The following RGS7 variants were observed in gnomAD, a reference collection of about 807,000 sequenced individuals.
RGS7 encodes the protein regulator of G protein signaling 7.
In RGS7, 27 loss-of-function variants were observed where a neutral mutation model predicts 81.1. That is an observed-to-expected ratio of 0.33 (90% CI 0.25 to 0.46). The LOEUF (loss-of-function observed/expected upper bound fraction) is 0.46. Ranked by LOEUF, RGS7 falls within the 20% of genes least tolerant of loss-of-function variation. The probability of loss-of-function intolerance (pLI) is 1.00; values close to 1 mark genes in which losing one functional copy is unlikely to be tolerated. For synonymous variants in RGS7, 208 were observed against 207.7 expected (o/e 1.00, Z -0.01); for missense variants, 396 against 607.4 (o/e 0.65, Z 3.66).
rs1266542255 is a variant in RGS7 at position 240,868,511 on chromosome 1, T to G, written c.609+76A>C. The G allele has an allele frequency of 2.3e-6, 3 of 1,283,290 alleles. No homozygotes were observed. Among genetic ancestry groups the G allele is most frequent in the Non-Finnish European group, 3.4e-6 (3 of 880,642 alleles). The allele number at this position is 1,283,290 out of a possible 1,614,324, so 79.5% of individuals were successfully genotyped here. A position where few individuals can be genotyped will look rare whatever the true frequency, so the allele number is the denominator to read the frequency against. ...GCATGGGGTCACTACAGTCTTTCACTTACTTTGGCAGGGCACCCCTCACTT... is the reference window on the plus strand; with the variant it reads ...GCATGGGGTCACTACAGTCTTTCACGTACTTTGGCAGGGCACCCCTCACTT... On this transcript the variant is annotated intron_variant, in intron 9 of 18. Transcript: ENST00000440928. This position sits in a 1 kb window ranked among gnomAD's most constrained non-coding sequence, Gnocchi z 5.1.
chr1:241,073,508 TC>T, intron 3 of RGS7, among the ~76,000 whole-genome samples: 1 of 152,352 alleles, frequency 6.6e-6, no homozygotes, highest in Non-Finnish European at 1.5e-5. Context: ...GCAAACATTT[TC>T]AGAGTATAGT....
intron 3 of RGS7, among the ~76,000 whole-genome samples, chr1:241,034,814 G>C (rs183035964): frequency 6.6e-6 from 1 of 152,252 alleles, no homozygotes; most frequent in African/African-American, 2.4e-5. Context: ...TAAATAGACT[G>C]AACAATGGGA....
chr1:240,906,729 G>C (rs1435612040), intron 6 of RGS7, among the ~76,000 whole-genome samples: 1 of 152,114 alleles, frequency 6.6e-6, no homozygotes, highest in Non-Finnish European at 1.5e-5. Context: ...CAGGGCACTG[G>C]GCTGCCTTAG....
intron 18 of RGS7, among the ~76,000 whole-genome samples, chr1:240,782,123 C>A (rs923488930): frequency 3.9e-5 from 6 of 152,214 alleles, no homozygotes; most frequent in South Asian, 2.1e-4. Context: ...TATTTGTAAA[C>A]CATGTGCAAA....
At chr1:241,146,998 G>A (rs935622294) in intron 2 of RGS7, among the ~76,000 whole-genome samples, 64 of 152,176 alleles carry the variant, frequency 4.2e-4, no homozygotes, top group African/African-American at 1.5e-3. Context: ...TGGGGACGTA[G>A]AAACACTCGG....
chr1:241,097,554 C>G (rs1001965918), intron 3 of RGS7, among the ~76,000 whole-genome samples: 2 of 152,070 alleles, frequency 1.3e-5, no homozygotes, highest in Non-Finnish European at 1.5e-5. Flanking sequence ...GAGGAAGCAG[C>G]CTGCAACCCC....
chr1:241,184,444 T>C (rs2071917308), intron 2 of RGS7, among the ~76,000 whole-genome samples: 2 of 152,204 alleles, frequency 1.3e-5, no homozygotes, highest in African/African-American at 2.4e-5. Flanking sequence ...TCATAGGTAA[T>C]GATATGCAGG....
chr1:241,081,345 T>C (rs2063121917), intron 3 of RGS7, among the ~76,000 whole-genome samples: 1 of 152,188 alleles, frequency 6.6e-6, no homozygotes, highest in African/African-American at 2.4e-5. Context: ...ATTTAAATGC[T>C]AGCTAAGATA....
intron 18 of RGS7, among the ~76,000 whole-genome samples, chr1:240,785,885 G>C (rs1684978950): frequency 6.6e-6 from 1 of 152,158 alleles, no homozygotes; most frequent in Admixed American, 6.5e-5. Context: ...CTGTGGAGGT[G>C]GGTGAGTTCC....
At chr1:241,285,190 T>C (rs2078746124) in intron 2 of RGS7, among the ~76,000 whole-genome samples, 1 of 152,204 alleles carries the variant, frequency 6.6e-6, no homozygotes, top group Non-Finnish European at 1.5e-5. Context: ...CTTTCTATGC[T>C]GCCCTTTTTC....
chr1:241,045,402 C>T (rs1373073283), intron 3 of RGS7, among the ~76,000 whole-genome samples: 1 of 152,046 alleles, frequency 6.6e-6, no homozygotes, highest in Non-Finnish European at 1.5e-5. Flanking sequence ...CTCACTGTGT[C>T]GCCCAGGCTG....
At chr1:240,820,263 T>C (rs929349844) in intron 10 of RGS7, among the ~76,000 whole-genome samples, 2 of 152,240 alleles carry the variant, frequency 1.3e-5, no homozygotes, top group Admixed American at 6.5e-5. Context: ...TTAGTTTTAA[T>C]AGCAAGATCA....
At chr1:240,810,746 GC>G (rs1689711094) in intron 14 of RGS7, among the ~76,000 whole-genome samples, 1 of 152,162 alleles carries the variant, frequency 6.6e-6, no homozygotes, top group Non-Finnish European at 1.5e-5. Flanking sequence ...CTCGCACCTA[GC>G]CTTTTAATGA....
intron 6 of RGS7, among the ~76,000 whole-genome samples, chr1:240,924,548 A>G (rs1674112029): frequency 6.6e-6 from 1 of 152,194 alleles, no homozygotes; most frequent in Non-Finnish European, 1.5e-5. Context: ...GTTTTGCCAT[A>G]CACACCAGAA....
At chr1:241,350,314 T>C (rs1478704216) in intron 2 of RGS7, among the ~76,000 whole-genome samples, 2 of 152,174 alleles carry the variant, frequency 1.3e-5, no homozygotes, top group African/African-American at 4.8e-5. Flanking sequence ...GATCTGAATA[T>C]GTTTAGGGTA....
rs545576610 is a variant in RGS7 at position 241,224,216 on chromosome 1, A to G, written c.79-125454T>C. Among the ~76,000 whole-genome samples, 227 of 152,132 alleles carry G rather than the reference A, an allele frequency of 1.5e-3. 3 individuals carry two copies. Among genetic ancestry groups the G allele is most frequent in the Admixed American group, 3.0e-3 (45 of 15,252 alleles). ...CACCCATCAACTCGTCACCTACATT[A>G]AATAATTCTCCAATGCTATCCCACC... On this transcript the variant is annotated intron_variant, in intron 2 of 18. Transcript: ENST00000440928.
At chr1:241,087,576 A>G (rs1361877214) in intron 3 of RGS7, among the ~76,000 whole-genome samples, 3 of 152,210 alleles carry the variant, frequency 2.0e-5, no homozygotes, top group Admixed American at 1.3e-4. Context: ...GCGATTAATC[A>G]AATACTACTT....
intron 4 of RGS7, 127 bp downstream of exon 4, chr1:240,982,952 C>A: frequency 1.6e-6 from 1 of 608,708 alleles, no homozygotes; most frequent in South Asian, 2.0e-5. Flanking sequence ...GTTAAAAGCA[C>A]AGTTCAAACT....
chr1:240,925,437 T>A (rs1674287819), intron 6 of RGS7, among the ~76,000 whole-genome samples: 1 of 152,194 alleles, frequency 6.6e-6, no homozygotes, highest in Non-Finnish European at 1.5e-5. Flanking sequence ...TGTATCCATG[T>A]TGCTGCAAAG....
Sources: allele counts gnomAD v4.1 joint callset (sites outside exome capture counted in the v4.1 genomes callset), GRCh38; gene constraint gnomAD v4.1.1; non-coding constraint Gnocchi (gnomAD v3.1); transcripts MANE v1.5; gene names NCBI Gene and HGNC (gene_info 2026-07-23, HGNC 2026-07-21).